The following NOX3 variants were observed in gnomAD, a reference collection of about 807,000 sequenced individuals.
NOX3 encodes NADPH oxidase catalytic subunit-like 3.
NOX3 carries 74 observed loss-of-function variants against 76.7 expected under a neutral mutation model. The ratio of observed to expected loss-of-function variants is 0.96; its 90% CI spans 0.80 to 1.17. The LOEUF (loss-of-function observed/expected upper bound fraction) is 1.17, where lower values mean the gene tolerates loss of function less well. Among genes scored for constraint, NOX3 ranks in the 50% most tolerant of loss-of-function variants. The pLI is 0.00. For missense variants in NOX3, 695 were observed against 703.3 expected, an observed-to-expected ratio of 0.99 and a Z score of 0.13; for synonymous variants, 263 against 261.1, an observed-to-expected ratio of 1.01 and a Z score of -0.07.
At chr6:155,423,906 A>C (rs908360104) in intron 9 of NOX3, among the ~76,000 whole-genome samples, 1 of 151,848 alleles carries the variant, frequency 6.6e-6, no homozygotes, top group African/African-American at 2.4e-5. Flanking sequence ...ACGCCCAGCT[A>C]ATTTTTTTGT....
At chr6:155,400,989 C>T (rs1261107485) in intron 12 of NOX3, among the ~76,000 whole-genome samples, 1 of 152,184 alleles carries the variant, frequency 6.6e-6, no homozygotes. Flanking sequence ...AAGCAGATGA[C>T]TTGTAGCATC....
At chr6:155,436,011 T>G (rs1326344782) in intron 7 of NOX3, among the ~76,000 whole-genome samples, 1 of 152,184 alleles carries the variant, frequency 6.6e-6, no homozygotes, top group Non-Finnish European at 1.5e-5. Context: ...CTGAGCCTCA[T>G]TTGGCTGTTC....
chr6:155,443,484 T>C (rs969012344), intron 4 of NOX3, 66 bp from the exon 5 acceptor site: 3 of 1,551,358 alleles, frequency 1.9e-6, no homozygotes, highest in Non-Finnish European at 2.6e-6. Flanking sequence ...TACTAAAAAA[T>C]ACAGTGTCTC....
intron 4 of NOX3, among the ~76,000 whole-genome samples, chr6:155,450,175 G>C (rs1777115904): frequency 6.6e-6 from 1 of 152,152 alleles, no homozygotes; most frequent in Admixed American, 6.5e-5. Context: ...GAGATATCTG[G>C]GAGCCTGGCA....
At chr6:155,454,129 C>A (rs1281100723) in intron 3 of NOX3, among the ~76,000 whole-genome samples, 1 of 152,110 alleles carries the variant, frequency 6.6e-6, no homozygotes, top group Non-Finnish European at 1.5e-5. Flanking sequence ...AAAGTGAGCA[C>A]ATGGTATTGG....
intron 10 of NOX3, among the ~76,000 whole-genome samples, chr6:155,411,817 G>A (rs534931215): frequency 2.0e-5 from 3 of 152,208 alleles, no homozygotes; most frequent in Middle Eastern, 3.4e-3. Flanking sequence ...CACTAGCTAC[G>A]GCCTCTGGAG....
chr6:155,431,413 A>AAAACACACACACACACAC (rs140214056), intron 7 of NOX3, among the ~76,000 whole-genome samples: 7 of 144,642 alleles, frequency 4.8e-5, no homozygotes, highest in Non-Finnish European at 1.1e-4. Context: ...TAAACACAGA[A>AAAACACACACACACACAC]ACACACACAC....
At chr6:155,421,765 G>A (rs924930469) in intron 10 of NOX3, among the ~76,000 whole-genome samples, 10 of 152,086 alleles carry the variant, frequency 6.6e-5, no homozygotes, top group African/African-American at 2.2e-4. Flanking sequence ...AAAGTGCTGG[G>A]GTTACAGGCA....
At chr6:155,400,368 C>A (rs537669072) in intron 12 of NOX3, among the ~76,000 whole-genome samples, 1 of 152,012 alleles carries the variant, frequency 6.6e-6, no homozygotes, top group African/African-American at 2.4e-5. Flanking sequence ...TAGGGGCAGA[C>A]CCTAAACCCT....
chr6:155,454,953 TCAGGGAAAACAAGGATC>T, intron 2 of NOX3, 32 bp from the exon 3 acceptor site: 1 of 1,586,956 alleles, frequency 6.3e-7, no homozygotes, highest in Non-Finnish European at 8.6e-7. Flanking sequence ...AAAAAGAGAT[TCAGGGAAAACAAGGATC>T]CAGGGAAAAT....
chr6:155,422,173 GA>G (rs1226087078), intron 10 of NOX3, among the ~76,000 whole-genome samples: 2 of 152,152 alleles, frequency 1.3e-5, no homozygotes, highest in African/African-American at 4.8e-5. Flanking sequence ...ACAAAGGACG[GA>G]AAGAAATTCT....
chr6:155,454,091 T>C (rs1777179844), intron 3 of NOX3, among the ~76,000 whole-genome samples: 1 of 152,190 alleles, frequency 6.6e-6, no homozygotes, highest in Non-Finnish European at 1.5e-5. Context: ...TAAAAAACAC[T>C]TTATTGCTAA....
chr6:155,422,249 C>T (rs532369457), intron 10 of NOX3, among the ~76,000 whole-genome samples: 10 of 152,272 alleles, frequency 6.6e-5, no homozygotes, highest in South Asian at 4.1e-4. Context: ...GGATGGCCAC[C>T]CCACAGCAAG....
chr6:155,412,985 T>C (rs1776574091), intron 10 of NOX3, among the ~76,000 whole-genome samples: 1 of 152,196 alleles, frequency 6.6e-6, no homozygotes, highest in Non-Finnish European at 1.5e-5. Context: ...TGTTGCAATA[T>C]TAAGTTGAAT....
chr6:155,422,394 C>A (rs1445386872), intron 10 of NOX3, among the ~76,000 whole-genome samples: 1 of 152,126 alleles, frequency 6.6e-6, no homozygotes, highest in Non-Finnish European at 1.5e-5. Context: ...TTGCGAACTG[C>A]CACCCAGTCA....
chr6:155,408,129 C>T (rs1776488892), intron 11 of NOX3, among the ~76,000 whole-genome samples: 1 of 152,058 alleles, frequency 6.6e-6, no homozygotes, highest in African/African-American at 2.4e-5. Flanking sequence ...CAGGTGTGTA[C>T]CACCATGCTT....
chr6:155,404,240 T>G (rs1779275590), intron 12 of NOX3, among the ~76,000 whole-genome samples: 1 of 152,128 alleles, frequency 6.6e-6, no homozygotes, highest in Non-Finnish European at 1.5e-5. Context: ...AAATGGCAGA[T>G]GAAATGATCT....
At chr6:155,401,066 A>G (rs1403637515) in intron 12 of NOX3, among the ~76,000 whole-genome samples, 1 of 152,200 alleles carries the variant, frequency 6.6e-6, no homozygotes, top group African/African-American at 2.4e-5. Flanking sequence ...AGTAACATAT[A>G]TATGCCTTCA....
rs1205643571 is a variant in NOX3, at chr6:155,434,125, T to C, written c.798+2293A>G. On this transcript the variant is annotated intron_variant, in intron 7 of 13. Transcript: ENST00000159060. ...TAGCCTCTTTTTCTAGACAATCAGA[T>C]CTCCTGGGGCAGGTCCCACGTGTCT... 2.6e-5 allele frequency among the ~76,000 whole-genome samples: 4 copies of C among 152,300 alleles called. No homozygotes were observed. The East Asian group carries it at 7.7e-4, about 29-fold the overall frequency.
Sources: allele counts gnomAD v4.1 joint callset (sites outside exome capture counted in the v4.1 genomes callset), GRCh38; gene constraint gnomAD v4.1.1; transcripts MANE v1.5; gene names NCBI Gene and HGNC (gene_info 2026-07-23, HGNC 2026-07-21).